SPOCK1: variants seen among roughly 807,000 people sequenced by gnomAD.
SPOCK1 encodes the protein SPARC (osteonectin), cwcv and kazal like domains proteoglycan 1, also known as testican-1.
In SPOCK1, 23 loss-of-function variants were observed where a neutral mutation model predicts 55.3. That is an observed-to-expected ratio of 0.42 (90% CI 0.30 to 0.59). SPOCK1 has a LOEUF of 0.59. SPOCK1 is among the 20% of genes least tolerant of loss of function. The probability of loss-of-function intolerance (pLI) is 0.22; values close to 1 mark genes in which losing one functional copy is unlikely to be tolerated. For missense variants in SPOCK1, 499 were observed against 552.5 expected (o/e 0.90, Z 0.97); for synonymous variants, 226 against 221.0 (o/e 1.02, Z -0.20).
At chr5:137,267,482 T>A (rs189844536) in intron 2 of SPOCK1, among the ~76,000 whole-genome samples, 86 of 150,384 alleles carry the variant, frequency 5.7e-4, no homozygotes, top group East Asian at 3.9e-4. Flanking sequence ...ACGCATCTTG[T>A]GGTGCACAGT....
rs144291516 is a variant in SPOCK1 at position 137,275,587 on chromosome 5, A to G, written c.187-8532T>C. On this transcript the variant is annotated intron_variant, in intron 2 of 10. Transcript: ENST00000394945. Reference sequence around the variant, plus strand: ...ATTCTAATGTGCAGCCTCCATAGGAAGTCACACACTAAATCACAGTGACTG... The same window carrying G: ...ATTCTAATGTGCAGCCTCCATAGGAGGTCACACACTAAATCACAGTGACTG... Among the ~76,000 whole-genome samples, 9 of 152,312 alleles carry G rather than the reference A, an allele frequency of 5.9e-5. No individual in the cohort carries two copies. In the East Asian group the frequency reaches 1.7e-3, roughly 29 times the overall value.
intron 2 of SPOCK1, among the ~76,000 whole-genome samples, chr5:137,276,879 A>G (rs1757078167): frequency 6.6e-6 from 1 of 152,210 alleles, no homozygotes; most frequent in Non-Finnish European, 1.5e-5. Flanking sequence ...CTCAGGGACC[A>G]AGAGGACTTC....
At chr5:137,466,622 T>A (rs778414805) in intron 2 of SPOCK1, among the ~76,000 whole-genome samples, 93 of 152,216 alleles carry the variant, frequency 6.1e-4, no homozygotes, top group Non-Finnish European at 1.3e-3. Flanking sequence ...CTCATTTTTC[T>A]CATCTGTAAA....
At chr5:137,218,082 C>A (rs1755755115) in intron 3 of SPOCK1, among the ~76,000 whole-genome samples, 1 of 152,192 alleles carries the variant, frequency 6.6e-6, no homozygotes, top group African/African-American at 2.4e-5. Flanking sequence ...GAATTCTTCC[C>A]CACTGACTTG....
chr5:137,112,984 C>T (rs568530304), intron 4 of SPOCK1, among the ~76,000 whole-genome samples: 3 of 152,258 alleles, frequency 2.0e-5, no homozygotes, highest in South Asian at 4.1e-4. Flanking sequence ...GTGTGGAGGA[C>T]GCACGGGCAA....
In SPOCK1 at chr5:136,977,736, C is replaced by T. The variant is rs1001417907; in HGVS notation, c.*918G>A. The stretch of plus-strand genomic sequence containing the variant: ...CTGCGAGAAAAGTGATTTAGGCAGA[C>T]GGAGGTTTTTTCTCAATCAGAGGCT... On this transcript the variant is annotated 3_prime_UTR_variant, in exon 11 of 11. Transcript: ENST00000394945. 2 of 398,822 alleles carry T rather than the reference C, an allele frequency of 5.0e-6. No individual in the cohort carries two copies. The highest frequency in any genetic ancestry group is 8.8e-5 in the Admixed American group (2 of 22,726). 24.7% of individuals were successfully genotyped at this position (398,822 alleles called of 1,614,324 possible).
At chr5:137,126,465 A>G (rs1753783920) in intron 4 of SPOCK1, among the ~76,000 whole-genome samples, 1 of 152,224 alleles carries the variant, frequency 6.6e-6, no homozygotes, top group Admixed American at 6.5e-5. Context: ...GGAATATATT[A>G]TTAGAAACTA....
intron 2 of SPOCK1, among the ~76,000 whole-genome samples, chr5:137,463,324 G>T (rs1181357757): frequency 1.3e-5 from 2 of 152,150 alleles, no homozygotes; most frequent in Non-Finnish European, 2.9e-5. Context: ...GTCCTATTCA[G>T]CCATACAAAA....
intron 2 of SPOCK1, among the ~76,000 whole-genome samples, chr5:137,284,310 A>C (rs1757224681): frequency 6.6e-6 from 1 of 152,148 alleles, no homozygotes; most frequent in Admixed American, 6.5e-5. Flanking sequence ...CCCGACTCAG[A>C]CCCATACAAC....
chr5:137,176,096 T>C (rs1171327314), intron 3 of SPOCK1, among the ~76,000 whole-genome samples: 1 of 152,154 alleles, frequency 6.6e-6, no homozygotes, highest in Non-Finnish European at 1.5e-5. Flanking sequence ...ATCTTCCTAA[T>C]GACTGAATTA....
At chr5:137,355,068 A>G (rs1750762680) in intron 2 of SPOCK1, among the ~76,000 whole-genome samples, 1 of 151,872 alleles carries the variant, frequency 6.6e-6, no homozygotes, top group Non-Finnish European at 1.5e-5. Flanking sequence ...ATGCCTGGCT[A>G]ATTTTTTGTA....
chr5:137,264,831 G>C (rs1756814487), intron 3 of SPOCK1, among the ~76,000 whole-genome samples: 1 of 152,148 alleles, frequency 6.6e-6, no homozygotes, highest in African/African-American at 2.4e-5. Flanking sequence ...GATGACATCT[G>C]CTGGGGCTGA....
intron 3 of SPOCK1, among the ~76,000 whole-genome samples, chr5:137,254,154 T>C (rs1756591706): frequency 6.6e-6 from 1 of 152,188 alleles, no homozygotes; most frequent in Non-Finnish European, 1.5e-5. Context: ...CCTGACAACA[T>C]TTACATGGCT....
chr5:137,389,993 G>A (rs1192672312), intron 2 of SPOCK1, among the ~76,000 whole-genome samples: 2 of 152,046 alleles, frequency 1.3e-5, no homozygotes, highest in African/African-American at 4.8e-5. Context: ...CCATGTATGT[G>A]GGTGAGGGAG....
At chr5:137,058,306 A>C (rs1404313398) in intron 6 of SPOCK1, among the ~76,000 whole-genome samples, 2 of 152,238 alleles carry the variant, frequency 1.3e-5, no homozygotes, top group African/African-American at 4.8e-5. Flanking sequence ...GGCCTTAGGC[A>C]AGGTACTGAA....
At chr5:137,140,445 C>G (rs576549530) in intron 4 of SPOCK1, 135 bp downstream of exon 4, 3 of 629,470 alleles carry the variant, frequency 4.8e-6, no homozygotes, top group South Asian at 2.1e-5. Context: ...AGTACAGGCA[C>G]CAAACACCAT....
At chr5:137,380,413 G>A (rs1751438021) in intron 2 of SPOCK1, among the ~76,000 whole-genome samples, 1 of 152,166 alleles carries the variant, frequency 6.6e-6, no homozygotes, top group Non-Finnish European at 1.5e-5. Context: ...GTGAGCTTCT[G>A]AAAAAGTCTC....
At chr5:137,263,411 G>T (rs1027512100) in intron 3 of SPOCK1, among the ~76,000 whole-genome samples, 1 of 152,066 alleles carries the variant, frequency 6.6e-6, no homozygotes, top group Non-Finnish European at 1.5e-5. Flanking sequence ...TTTGTCAGGC[G>T]CCAGTTAAGG....
At chr5:137,195,744 T>G (rs1755287350) in intron 3 of SPOCK1, among the ~76,000 whole-genome samples, 1 of 152,230 alleles carries the variant, frequency 6.6e-6, no homozygotes, top group Non-Finnish European at 1.5e-5. Context: ...GGCAGGCTCC[T>G]GCAGCAGGAA....
Sources: allele counts gnomAD v4.1 joint callset (sites outside exome capture counted in the v4.1 genomes callset), GRCh38; gene constraint gnomAD v4.1.1; transcripts MANE v1.5; gene names NCBI Gene and HGNC (gene_info 2026-07-23, HGNC 2026-07-21).